The following STXBP5 variants were observed in gnomAD, a reference collection of about 807,000 sequenced individuals.
STXBP5 encodes syntaxin binding protein 5.
Under a neutral mutation model 152.4 loss-of-function variants are expected in STXBP5, and 50 were observed. The ratio of observed to expected loss-of-function variants is 0.33; its 90% CI spans 0.26 to 0.42. The LOEUF (loss-of-function observed/expected upper bound fraction) is 0.42. Ranked by LOEUF, STXBP5 falls within the 10% of genes least tolerant of loss-of-function variation. The pLI is 1.00. For synonymous variants in STXBP5, 492 were observed against 494.7 expected (o/e 0.99, Z 0.07); for missense variants, 1,167 against 1,388.6 (o/e 0.84, Z 2.54).
intron 5 of STXBP5, 64 bp from the exon 6 acceptor site, chr6:147,262,226 A>G: frequency 1.1e-6 from 1 of 886,004 alleles, no homozygotes; most frequent in Non-Finnish European, 1.7e-6. Flanking sequence ...TATTGGAATG[A>G]AATATGTAGC....
At chr6:147,254,090 A>G (rs886406474) in intron 4 of STXBP5, among the ~76,000 whole-genome samples, 6 of 152,202 alleles carry the variant, frequency 3.9e-5, no homozygotes, top group South Asian at 4.1e-4. Context: ...TGGTACCAAA[A>G]CAGATACATA....
At chr6:147,317,368 A>C (rs977709408) in intron 16 of STXBP5, among the ~76,000 whole-genome samples, 8 of 152,294 alleles carry the variant, frequency 5.3e-5, no homozygotes, top group Middle Eastern at 6.8e-3. Flanking sequence ...AGAGTTTTAG[A>C]AAATTATATG....
rs147020565 is a variant in STXBP5, at chr6:147,261,627, A to G, written c.567-663A>G. 8.1e-3 allele frequency among the ~76,000 whole-genome samples: 1,236 copies of G among 152,046 alleles called. 19 individuals carry two copies. Among genetic ancestry groups the G allele is most frequent in the African/African-American group, 0.029 (1,186 of 41,502 alleles). Reference sequence around the variant, plus strand: ...CTTCTTGTAGCAAGAATATTATCATATATCAGTCCTTTGGTAGGGTGGGTT... The same window carrying G: ...CTTCTTGTAGCAAGAATATTATCATGTATCAGTCCTTTGGTAGGGTGGGTT... On this transcript the variant is annotated intron_variant, in intron 5 of 27. Coordinates refer to ENST00000321680, the MANE Select transcript of STXBP5 (RefSeq NM_001127715.4).
At chr6:147,219,616 T>A (rs1439485929) in intron 2 of STXBP5, among the ~76,000 whole-genome samples, 1 of 152,098 alleles carries the variant, frequency 6.6e-6, no homozygotes, top group Non-Finnish European at 1.5e-5. Context: ...TTTGGTAGAT[T>A]GTATTTTTTA....
At chr6:147,375,345 A>G (rs753404817) in intron 26 of STXBP5, among the ~76,000 whole-genome samples, 8 of 152,190 alleles carry the variant, frequency 5.3e-5, no homozygotes, top group Non-Finnish European at 8.8e-5. Context: ...ATAGCAGTAG[A>G]TGTGAAAAAA....
rs1418141354 is a variant in STXBP5, at chr6:147,334,153, G to A, written c.2081-4G>A. The A allele has an allele frequency of 1.9e-6, 3 of 1,611,458 alleles. No individual in the cohort carries two copies. Among genetic ancestry groups the A allele is most frequent in the East Asian group, 2.2e-5 (1 of 44,798 alleles). On this transcript the variant is annotated splice_region_variant and splice_polypyrimidine_tract_variant and intron_variant, in intron 18 of 27. Coordinates refer to ENST00000321680, the MANE Select transcript of STXBP5 (RefSeq NM_001127715.4). Reference sequence around the variant, plus strand: ...TTGATTTGTTTTTTGTTTTTGTTTTGTAGCCGGTCTGTGTGATATTAGTGA... The same window carrying A: ...TTGATTTGTTTTTTGTTTTTGTTTTATAGCCGGTCTGTGTGATATTAGTGA...
intron 4 of STXBP5, among the ~76,000 whole-genome samples, chr6:147,249,253 T>TAA (rs112169490): frequency 3.5e-5 from 5 of 143,418 alleles, no homozygotes; most frequent in African/African-American, 1.3e-4. Flanking sequence ...ACAAAATCAG[T>TAA]AAAAAAAAAA....
At chr6:147,360,889 T>C (rs1334381913) in intron 23 of STXBP5, among the ~76,000 whole-genome samples, 1 of 152,194 alleles carries the variant, frequency 6.6e-6, no homozygotes, top group Admixed American at 6.5e-5. Flanking sequence ...TATCTCTTGT[T>C]TGTGCCGACT....
chr6:147,296,350 C>T (rs779557984), intron 9 of STXBP5, among the ~76,000 whole-genome samples: 17 of 152,176 alleles, frequency 1.1e-4, no homozygotes, highest in Admixed American at 3.9e-4. Context: ...CAACCTAAGC[C>T]ACTAAGGCAC....
At chr6:147,216,416 A>G (rs549262476) in intron 2 of STXBP5, among the ~76,000 whole-genome samples, 1 of 152,310 alleles carries the variant, frequency 6.6e-6, no homozygotes, top group East Asian at 1.9e-4. Flanking sequence ...AAACAAAAAA[A>G]TTCATAAGGC....
At chr6:147,225,738 GTTTA>G (rs1040682870) in intron 2 of STXBP5, among the ~76,000 whole-genome samples, 2 of 152,104 alleles carry the variant, frequency 1.3e-5, no homozygotes, top group Non-Finnish European at 2.9e-5. Context: ...CCCATGGCCT[GTTTA>G]TTTTACTATT....
intron 11 of STXBP5, among the ~76,000 whole-genome samples, chr6:147,313,230 T>A (rs1169573461): frequency 6.6e-6 from 1 of 152,218 alleles, no homozygotes; most frequent in Non-Finnish European, 1.5e-5. Context: ...TTAAATTTTT[T>A]AGCCAGTTTC....
At position 147,384,708 on chromosome 6, in the gene STXBP5, C is replaced by T. The variant is rs1244198631; in HGVS notation, c.3415-6C>T. ...AAGCATGTTTTTCTTTTTTTTCCCC[C>T]TTTAGATTATGTTGAAATACAAAGA... is the stretch of plus-strand genomic sequence containing the variant. On this transcript the variant is annotated splice_polypyrimidine_tract_variant and splice_region_variant and intron_variant, in intron 27 of 27. Coordinates refer to ENST00000321680, the MANE Select transcript of STXBP5 (RefSeq NM_001127715.4). 1.2e-6 allele frequency: 2 copies of T among 1,610,052 alleles called. No individual in the cohort carries two copies. Among genetic ancestry groups the T allele is most frequent in the South Asian group, 2.2e-5 (2 of 90,462 alleles).
intron 22 of STXBP5, among the ~76,000 whole-genome samples, chr6:147,358,419 A>G (rs1304911211): frequency 2.0e-5 from 3 of 152,166 alleles, no homozygotes; most frequent in African/African-American, 7.2e-5. Context: ...ACATTCAGAT[A>G]TTCATCGGGA....
intron 9 of STXBP5, among the ~76,000 whole-genome samples, chr6:147,294,189 G>A (rs1325583698): frequency 6.6e-6 from 1 of 152,114 alleles, no homozygotes; most frequent in Non-Finnish European, 1.5e-5. Flanking sequence ...AGAAACTAAT[G>A]TGAATCAGGT....
At chr6:147,269,831 A>T (rs1055279883) in intron 7 of STXBP5, among the ~76,000 whole-genome samples, 12 of 152,196 alleles carry the variant, frequency 7.9e-5, no homozygotes, top group African/African-American at 2.9e-4. Flanking sequence ...GAACTGTGGT[A>T]CGACTTCAAG....
rs187569321 is a variant in STXBP5 at position 147,366,234 on chromosome 6, C to T, written c.3081+2068C>T. On this transcript the variant is annotated intron_variant, in intron 25 of 27. Transcript: ENST00000321680. ...CCATACGTGCTATTCAGCACGTACACGTGACTAAGCTTTCAGAGCAGAAAA... is the reference window on the plus strand; with the variant it reads ...CCATACGTGCTATTCAGCACGTACATGTGACTAAGCTTTCAGAGCAGAAAA... Among the ~76,000 whole-genome samples, 217 of 152,262 alleles carry T rather than the reference C, an allele frequency of 1.4e-3. 1 individual carries two copies. The highest frequency in any genetic ancestry group is 2.3e-3 in the Non-Finnish European group (155 of 68,028).
At chr6:147,255,882 A>G (rs1779334401) in intron 4 of STXBP5, among the ~76,000 whole-genome samples, 1 of 152,180 alleles carries the variant, frequency 6.6e-6, no homozygotes, top group South Asian at 2.1e-4. Context: ...TAAATAATTA[A>G]TCTAGTAACA....
intron 8 of STXBP5, among the ~76,000 whole-genome samples, chr6:147,288,595 A>G (rs1193149868): frequency 6.6e-6 from 1 of 152,110 alleles, no homozygotes; most frequent in Non-Finnish European, 1.5e-5. Context: ...TTTGTGGGAG[A>G]GCAAGTTCAT....
Sources: gnomAD v4.1 joint callset for allele counts (sites outside exome capture counted in the v4.1 genomes callset) on GRCh38, gnomAD v4.1.1 for gene constraint, MANE v1.5 for transcripts, NCBI Gene and HGNC (gene_info 2026-07-23, HGNC 2026-07-21) for gene names.